UBR3: variants seen among roughly 807,000 people sequenced by gnomAD.
UBR3 encodes ubiquitin protein ligase E3 component n-recognin 3, also known as E3 ubiquitin-protein ligase UBR3.
Under a neutral mutation model 243.2 loss-of-function variants are expected in UBR3, and 85 were observed. The observed-to-expected ratio is 0.35, with a 90% CI of 0.29 to 0.42. The LOEUF (loss-of-function observed/expected upper bound fraction) is 0.42. UBR3 is among the 10% of genes least tolerant of loss of function. UBR3 has a pLI of 1.00. For missense variants in UBR3, 1,686 were observed against 2,300.8 expected (o/e 0.73, Z 5.47); for synonymous variants, 748 against 799.8 (o/e 0.94, Z 1.09).
intron 33 of UBR3, among the ~76,000 whole-genome samples, chr2:170,059,441 A>G (rs552414780): frequency 6.6e-6 from 1 of 152,310 alleles, no homozygotes; most frequent in East Asian, 1.9e-4. Flanking sequence ...TTGATTAATA[A>G]ATAGCAAATC....
intron 20 of UBR3, among the ~76,000 whole-genome samples, chr2:169,945,358 C>T (rs1471028569): frequency 6.6e-6 from 1 of 152,162 alleles, no homozygotes; most frequent in Non-Finnish European, 1.5e-5. Flanking sequence ...TAGAAGCCCT[C>T]TGAATAGTCA....
chr2:170,060,749 AT>A (rs1031569414), intron 33 of UBR3, among the ~76,000 whole-genome samples: 1 of 151,412 alleles, frequency 6.6e-6, no homozygotes, highest in African/African-American at 2.4e-5. Flanking sequence ...ACATATAGCT[AT>A]TTTTTTTCTT....
chr2:169,845,050 T>C (rs1388725566), intron 1 of UBR3, among the ~76,000 whole-genome samples: 1 of 152,216 alleles, frequency 6.6e-6, no homozygotes, highest in Non-Finnish European at 1.5e-5. Context: ...ATTTTTGATA[T>C]ATTTTCATTT....
At chr2:169,938,655 A>AT (rs1352429458) in intron 19 of UBR3, among the ~76,000 whole-genome samples, 1 of 151,926 alleles carries the variant, frequency 6.6e-6, no homozygotes, top group Non-Finnish European at 1.5e-5. Flanking sequence ...ATGAATTCCA[A>AT]TTTTTTTCTT....
chr2:170,023,198 C>T (rs11684425), intron 30 of UBR3, among the ~76,000 whole-genome samples: 66,107 of 151,630 alleles, frequency 0.44, 15,497 homozygotes, highest in Non-Finnish European at 0.54. Context: ...GCCTCAAACT[C>T]CTGGGCTCAA....
Position 169,891,087 on chromosome 2 carries a change from G to A in UBR3, c.1039-78G>A, listed in dbSNP as rs374727395. On this transcript the variant is annotated intron_variant, in intron 5 of 38. Coordinates refer to ENST00000272793, the MANE Select transcript of UBR3 (RefSeq NM_172070.4). ...AGCATGCATATATTATGTGTTTAAT[G>A]TAATTTGTAAGCACATTTATAAAGT... The A allele has an allele frequency of 8.2e-6, 9 of 1,102,140 alleles. No homozygotes were observed. The African/African-American group carries it at 1.4e-4, about 17-fold the overall frequency. 68.3% of individuals were successfully genotyped at this position (1,102,140 alleles called of 1,614,324 possible). A position where few individuals can be genotyped will look rare whatever the true frequency, so the allele number is the denominator to read the frequency against.
In UBR3 at chr2:170,081,125, C is replaced by T. The variant is rs539291624; in HGVS notation, c.5549+441C>T. On this transcript the variant is annotated intron_variant, in intron 38 of 38. Coordinates refer to ENST00000272793, the MANE Select transcript of UBR3 (RefSeq NM_172070.4). ...AGGATCGCTTGAGCCCAGCAGGTGG[C>T]GGCTGCAGTGAGCTGTGATCGTGCC... is the stretch of plus-strand genomic sequence containing the variant. 2.6e-4 allele frequency among the ~76,000 whole-genome samples: 40 copies of T among 152,190 alleles called. 1 individual carries two copies. Among genetic ancestry groups the T allele is most frequent in the South Asian group, 8.3e-4 (4 of 4,826 alleles).
intron 17 of UBR3, 139 bp downstream of exon 17, chr2:169,927,544 G>T: frequency 2.0e-5 from 12 of 599,202 alleles, no homozygotes; most frequent in South Asian, 1.5e-4. Flanking sequence ...CACCAGTTGT[G>T]TGCTCAAGTA....
At chr2:170,076,478 T>C (rs2091812980) in intron 36 of UBR3, among the ~76,000 whole-genome samples, 1 of 152,224 alleles carries the variant, frequency 6.6e-6, no homozygotes, top group South Asian at 2.1e-4. Flanking sequence ...CAGGCCTCTC[T>C]GCATCCAGTA....
chr2:170,034,102 A>G (rs1370752760), intron 31 of UBR3, among the ~76,000 whole-genome samples: 2 of 151,808 alleles, frequency 1.3e-5, no homozygotes, highest in Non-Finnish European at 2.9e-5. Flanking sequence ...ACTGTAACAG[A>G]TACATAGCCT....
At position 170,061,437 on chromosome 2, in the gene UBR3, C is replaced by T. The variant is rs769001904; in HGVS notation, c.5013C>T (p.Ser1671=). ...QHHLFGEDLP[S]CQEEEEFSVL... is the part of the protein sequence containing the mutation. ...ACCTTTTTGGGGAAGATTTACCTAG[C>T]TGCCAGGTAGATAATTTGGGATATG... The change falls in exon 35 of 39, where the codon AGC becomes AGT. Residue 1671 remains serine, a synonymous_variant. Coordinates refer to ENST00000272793, the MANE Select transcript of UBR3 (RefSeq NM_172070.4). The T allele has an allele frequency of 6.2e-7, 1 of 1,612,398 alleles. No individual in the cohort carries two copies. Among genetic ancestry groups the T allele is most frequent in the African/African-American group, 1.3e-5 (1 of 74,682 alleles).
chr2:169,854,698 A>G (rs1401797287), intron 1 of UBR3, among the ~76,000 whole-genome samples: 1 of 152,202 alleles, frequency 6.6e-6, no homozygotes, highest in African/African-American at 2.4e-5. Context: ...AATACAACAT[A>G]AAGTGTTGAT....
chr2:170,058,809 C>G (rs922869358), intron 33 of UBR3, among the ~76,000 whole-genome samples: 1 of 152,182 alleles, frequency 6.6e-6, no homozygotes, highest in Non-Finnish European at 1.5e-5. Context: ...AGCCACCATG[C>G]CCAGCCTACT....
At chr2:169,875,450 T>C (rs901654821) in intron 2 of UBR3, among the ~76,000 whole-genome samples, 2 of 152,178 alleles carry the variant, frequency 1.3e-5, no homozygotes, top group Non-Finnish European at 2.9e-5. Flanking sequence ...TGCCTCAGAC[T>C]CCTGAGTAGC....
intron 1 of UBR3, among the ~76,000 whole-genome samples, chr2:169,855,605 G>T (rs2082813384): frequency 6.6e-6 from 1 of 152,056 alleles, no homozygotes; most frequent in African/African-American, 2.4e-5. Context: ...ATCTTGCACC[G>T]CCCTTAATCC....
chr2:170,073,142 T>C (rs537922457), intron 35 of UBR3, among the ~76,000 whole-genome samples: 95 of 152,262 alleles, frequency 6.2e-4, no homozygotes, highest in Non-Finnish European at 9.7e-4. Flanking sequence ...CTAGGTTCTA[T>C]AGAACCATTA....
At chr2:169,864,906 CAAAAAAAAAA>C (rs11336906) in intron 1 of UBR3, among the ~76,000 whole-genome samples, 1 of 64,838 alleles carries the variant, frequency 1.5e-5, no homozygotes, top group African/African-American at 6.2e-5. Context: ...GACTCCGTCT[CAAAAAAAAAA>C]AAAAAAAAAA....
intron 24 of UBR3, among the ~76,000 whole-genome samples, chr2:169,974,196 C>G (rs529825946): frequency 6.6e-6 from 1 of 151,994 alleles, no homozygotes; most frequent in Non-Finnish European, 1.5e-5. Flanking sequence ...AGAATGAGTT[C>G]AGAATAATTC....
chr2:169,992,280 T>C (rs2089308386), intron 25 of UBR3, among the ~76,000 whole-genome samples: 2 of 152,028 alleles, frequency 1.3e-5, no homozygotes, highest in Non-Finnish European at 2.9e-5. Flanking sequence ...AATCTGACAG[T>C]GAAAAGGACT....
Sources: allele counts gnomAD v4.1 joint callset (sites outside exome capture counted in the v4.1 genomes callset), GRCh38; gene constraint gnomAD v4.1.1; transcripts MANE v1.5; gene names NCBI Gene and HGNC (gene_info 2026-07-23, HGNC 2026-07-21).